TRDN: variants seen among roughly 807,000 people sequenced by gnomAD.
TRDN encodes the protein triadin in skeletal muscle.
A neutral mutation model predicts 149.7 loss-of-function variants in TRDN; 161 were observed. The observed-to-expected ratio is 1.08, with a 90% CI of 0.95 to 1.23. The LOEUF (loss-of-function observed/expected upper bound fraction) is 1.23, where lower values mean the gene tolerates loss of function less well. Ranked by LOEUF, TRDN falls within the 50% of genes most tolerant of loss-of-function variation. TRDN has a pLI of 0.00. For missense variants in TRDN, 896 were observed against 823.5 expected (o/e 1.09, Z -1.08); for synonymous variants, 294 against 250.5 (o/e 1.17, Z -1.64).
intron 20 of TRDN, among the ~76,000 whole-genome samples, chr6:123,353,921 A>T (rs917120895): frequency 6.6e-6 from 1 of 151,894 alleles, no homozygotes; most frequent in Admixed American, 6.6e-5. Flanking sequence ...ACATAACACA[A>T]GATATTATAG....
At chr6:123,624,523 A>G (rs529114172) in intron 1 of TRDN, among the ~76,000 whole-genome samples, 1 of 152,106 alleles carries the variant, frequency 6.6e-6, no homozygotes, top group Non-Finnish European at 1.5e-5. Context: ...CTGCTACCCT[A>G]AGTACTTTCT....
intron 24 of TRDN, among the ~76,000 whole-genome samples, chr6:123,297,290 G>A (rs1285469602): frequency 6.6e-6 from 1 of 152,028 alleles, no homozygotes; most frequent in African/African-American, 2.4e-5. Flanking sequence ...TGCCTCAAAT[G>A]AGTAGTGAGA....
chr6:123,332,478 C>G (rs909990607), intron 22 of TRDN, among the ~76,000 whole-genome samples: 1 of 151,934 alleles, frequency 6.6e-6, no homozygotes, highest in Non-Finnish European at 1.5e-5. Flanking sequence ...AAAATGAAGG[C>G]CTTGGTTGAA....
chr6:123,229,319 A>C (rs562774407), intron 38 of TRDN, among the ~76,000 whole-genome samples: 1 of 152,128 alleles, frequency 6.6e-6, no homozygotes, highest in Admixed American at 6.6e-5. Flanking sequence ...TTTATTAAAA[A>C]TCAATAAATT....
chr6:123,438,287 C>T, intron 11 of TRDN, among the ~76,000 whole-genome samples, 165 bp from the exon 12 acceptor site: 1 of 151,444 alleles, frequency 6.6e-6, no homozygotes, highest in East Asian at 1.9e-4. Context: ...TCATAACAGA[C>T]TAGTGGCTTA....
chr6:123,368,110 T>C (rs1219669073), intron 19 of TRDN, among the ~76,000 whole-genome samples: 1 of 152,166 alleles, frequency 6.6e-6, no homozygotes, highest in Non-Finnish European at 1.5e-5. Context: ...CCCCTCCTGA[T>C]GGTAGTCTTC....
chr6:123,356,545 A>G (rs924039715), intron 20 of TRDN, among the ~76,000 whole-genome samples: 5 of 117,340 alleles, frequency 4.3e-5, no homozygotes, highest in African/African-American at 1.6e-4. Context: ...ATATATATAT[A>G]TATAGTTGTT....
At chr6:123,476,395 C>G (rs1439381662) in intron 9 of TRDN, among the ~76,000 whole-genome samples, 77 of 102,172 alleles carry the variant, frequency 7.5e-4, no homozygotes, top group African/African-American at 2.7e-3. Context: ...AACCACTGCT[C>G]AATGAAATAA....
intron 4 of TRDN, among the ~76,000 whole-genome samples, chr6:123,546,986 T>C (rs1781144582): frequency 6.6e-6 from 1 of 152,074 alleles, no homozygotes; most frequent in Admixed American, 6.6e-5. Context: ...AATAAACATT[T>C]AAAATCAATA....
chr6:123,352,661 A>T, intron 20 of TRDN, 75 bp from the exon 21 acceptor site: 1 of 1,525,586 alleles, frequency 6.6e-7, no homozygotes, highest in Non-Finnish European at 8.8e-7. Context: ...AGCATTTTGG[A>T]GTTCTTTCAA....
At chr6:123,424,637 G>C (rs1774041969) in intron 12 of TRDN, among the ~76,000 whole-genome samples, 2 of 152,088 alleles carry the variant, frequency 1.3e-5, no homozygotes, top group Admixed American at 1.3e-4. Context: ...AGTTCTATTG[G>C]AAATGGAAGA....
At chr6:123,592,102 A>G (rs1783818606) in intron 1 of TRDN, among the ~76,000 whole-genome samples, 1 of 152,206 alleles carries the variant, frequency 6.6e-6, no homozygotes, top group Non-Finnish European at 1.5e-5. Context: ...TGCTCGTCCA[A>G]ATAGACCTAA....
intron 1 of TRDN, among the ~76,000 whole-genome samples, chr6:123,606,959 C>T (rs576978121): frequency 9.8e-5 from 15 of 152,302 alleles, no homozygotes; most frequent in African/African-American, 3.4e-4. Context: ...CCCCTGGGAA[C>T]TTGTTGCCTC....
chr6:123,269,273 A>G (rs1006199754), intron 31 of TRDN, among the ~76,000 whole-genome samples: 1 of 152,082 alleles, frequency 6.6e-6, no homozygotes, highest in Non-Finnish European at 1.5e-5. Flanking sequence ...TTCAAAGTCC[A>G]CATTCATAAG....
intron 5 of TRDN, among the ~76,000 whole-genome samples, chr6:123,526,295 C>T (rs1002173742): frequency 6.6e-6 from 1 of 151,882 alleles, no homozygotes; most frequent in African/African-American, 2.4e-5. Flanking sequence ...TATCTAGGAA[C>T]TGATAGATAT....
chr6:123,484,334 T>C (rs1276620590), intron 9 of TRDN, among the ~76,000 whole-genome samples: 3 of 152,166 alleles, frequency 2.0e-5, no homozygotes, highest in African/African-American at 7.2e-5. Context: ...TATTCTCTAT[T>C]TTGTATCCAC....
chr6:123,422,512 C>G (rs188502535), intron 12 of TRDN, among the ~76,000 whole-genome samples: 27 of 152,228 alleles, frequency 1.8e-4, no homozygotes, highest in African/African-American at 6.0e-4. Context: ...CCCTTCATAA[C>G]TCTGAATCCA....
chr6:123,583,051 G>T (rs889301282), intron 1 of TRDN, among the ~76,000 whole-genome samples: 2 of 152,142 alleles, frequency 1.3e-5, no homozygotes, highest in African/African-American at 4.8e-5. Flanking sequence ...GGTATAAAAG[G>T]TCTAAGAATT....
At chr6:123,413,706 T>G (rs531575302) in intron 12 of TRDN, among the ~76,000 whole-genome samples, 9 of 152,250 alleles carry the variant, frequency 5.9e-5, no homozygotes, top group Admixed American at 1.3e-4. Flanking sequence ...CTTGAAGGTA[T>G]TTTTTCACAT....
Sources: allele counts gnomAD v4.1 joint callset (sites outside exome capture counted in the v4.1 genomes callset), GRCh38; gene constraint gnomAD v4.1.1; transcripts MANE v1.5; gene names NCBI Gene and HGNC (gene_info 2026-07-23, HGNC 2026-07-21).